Variants in TMPRSS11A observed in about 807,000 individuals in gnomAD.
TMPRSS11A encodes the protein transmembrane serine protease 11A, also known as transmembrane protease serine 11A.
A neutral mutation model predicts 58.9 loss-of-function variants in TMPRSS11A; 53 were observed. The observed-to-expected ratio is 0.90, with a 90% confidence interval of 0.72 to 1.13. The LOEUF is 1.13. TMPRSS11A is among the 50% of genes most tolerant of loss of function. TMPRSS11A has a pLI of 0.00. For missense variants in TMPRSS11A, 493 were observed against 499.3 expected (o/e 0.99, Z 0.12); for synonymous variants, 167 against 169.8 (o/e 0.98, Z 0.13).
chr4:67,944,689 G>T, intron 2 of TMPRSS11A, 52 bp from the exon 3 acceptor site: 5 of 1,529,840 alleles, frequency 3.3e-6, no homozygotes, highest in Non-Finnish European at 4.5e-6. Context: ...AAAGATTTCA[G>T]AACTCAATTA....
chr4:67,920,073 G>A (rs1720279034), intron 7 of TMPRSS11A, among the ~76,000 whole-genome samples: 3 of 152,266 alleles, frequency 2.0e-5, no homozygotes, highest in Admixed American at 2.0e-4. Context: ...AAGTCTATTA[G>A]ATGACTGCAT....
intron 1 of TMPRSS11A, among the ~76,000 whole-genome samples, chr4:67,949,821 T>C (rs749608139): frequency 6.6e-6 from 1 of 152,178 alleles, no homozygotes; most frequent in Non-Finnish European, 1.5e-5. Context: ...ATGGCGCCAC[T>C]GCACTCCAGC....
At chr4:67,929,088 TTAAGA>T (rs1250167521) in intron 5 of TMPRSS11A, among the ~76,000 whole-genome samples, 1 of 152,250 alleles carries the variant, frequency 6.6e-6, no homozygotes, top group Non-Finnish European at 1.5e-5. Context: ...TTGGAGCCTT[TTAAGA>T]AATTAGAGAT....
At chr4:67,946,615 C>T (rs1400422966) in intron 1 of TMPRSS11A, 44 bp from the exon 2 acceptor site, 2 of 1,574,966 alleles carry the variant, frequency 1.3e-6, no homozygotes, top group African/African-American at 1.4e-5. Flanking sequence ...GATAGCAATG[C>T]TTGCAGGTTT....
intron 9 of TMPRSS11A, 63 bp downstream of exon 9, chr4:67,914,520 CATATA>C: frequency 3.5e-6 from 5 of 1,430,226 alleles, no homozygotes; most frequent in Non-Finnish European, 3.9e-6. Context: ...ATGTAAAGAA[CATATA>C]ATATATTCTG....
At chr4:67,912,096 T>A (rs143409469) in intron 9 of TMPRSS11A, among the ~76,000 whole-genome samples, 19 of 152,264 alleles carry the variant, frequency 1.2e-4, no homozygotes, top group Non-Finnish European at 2.5e-4. Context: ...TACAGAAATC[T>A]TTTTTTGCTT....
intron 7 of TMPRSS11A, among the ~76,000 whole-genome samples, chr4:67,921,580 A>T (rs1720331899): frequency 6.6e-6 from 1 of 152,190 alleles, no homozygotes; most frequent in Non-Finnish European, 1.5e-5. Context: ...AAATGCTGGG[A>T]TTACAGGCAT....
intron 1 of TMPRSS11A, among the ~76,000 whole-genome samples, chr4:67,953,597 G>A (rs1048176084): frequency 5.3e-5 from 8 of 152,096 alleles, no homozygotes; most frequent in Admixed American, 2.0e-4. Flanking sequence ...TTGGGAGTTC[G>A]AGACCAGCCT....
chr4:67,923,545 C>T (rs145631256), intron 6 of TMPRSS11A, among the ~76,000 whole-genome samples: 2,646 of 152,190 alleles, frequency 0.017, 72 homozygotes, highest in African/African-American at 0.058. Context: ...CTCACTCTGT[C>T]GCTGAGGCTG....
chr4:67,930,061 G>C (rs765501302), intron 4 of TMPRSS11A, 21 bp from the exon 5 acceptor site: 1 of 1,592,770 alleles, frequency 6.3e-7, no homozygotes, highest in South Asian at 1.1e-5. Flanking sequence ...CAAAAGAAAG[G>C]TACATTTTCA....
At chr4:67,942,717 T>C (rs1235689380) in intron 3 of TMPRSS11A, among the ~76,000 whole-genome samples, 2 of 152,182 alleles carry the variant, frequency 1.3e-5, no homozygotes, top group African/African-American at 4.8e-5. Flanking sequence ...AATGACCTAG[T>C]AATTCTGCTT....
chr4:67,956,014 C>T (rs993644476), intron 1 of TMPRSS11A, among the ~76,000 whole-genome samples: 3 of 152,104 alleles, frequency 2.0e-5, no homozygotes, highest in African/African-American at 7.2e-5. Context: ...GGTGTCAGTC[C>T]TTGCTTATGA....
At chr4:67,952,640 G>A (rs1348172879) in intron 1 of TMPRSS11A, among the ~76,000 whole-genome samples, 2 of 152,210 alleles carry the variant, frequency 1.3e-5, no homozygotes, top group East Asian at 1.9e-4. Context: ...TGTGAGATAA[G>A]TGTGTATGGA....
intron 1 of TMPRSS11A, among the ~76,000 whole-genome samples, chr4:67,962,920 C>T (rs1721471941): frequency 6.6e-6 from 1 of 152,336 alleles, no homozygotes; most frequent in East Asian, 1.9e-4. Context: ...GCAGGTGTCT[C>T]TGCAGCTATT....
At position 67,948,659 on chromosome 4, in the gene TMPRSS11A, G is replaced by A. The variant is rs980934001; in HGVS notation, c.12-2088C>T. Among the ~76,000 whole-genome samples, 40 of 152,304 alleles carry A rather than the reference G, an allele frequency of 2.6e-4. 1 individual carries two copies. The highest frequency in any genetic ancestry group is 7.9e-4 in the African/African-American group (33 of 41,578). Reference sequence around the variant, plus strand: ...AAAAATAATCTAGAGAACTGGCTGCGGAAAGGCAGCAGGTCCTGTGATAGA... The same window carrying A: ...AAAAATAATCTAGAGAACTGGCTGCAGAAAGGCAGCAGGTCCTGTGATAGA... On this transcript the variant is annotated intron_variant, in intron 1 of 9. Coordinates refer to ENST00000508048, the MANE Select transcript of TMPRSS11A (RefSeq NM_001114387.2).
chr4:67,946,388 A>C, intron 2 of TMPRSS11A, 62 bp downstream of exon 2: 1 of 1,510,580 alleles, frequency 6.6e-7, no homozygotes, highest in Non-Finnish European at 8.9e-7. Context: ...ATTTACATAT[A>C]TGTAAATGGA....
At chr4:67,940,682 C>T (rs1352714082) in intron 3 of TMPRSS11A, among the ~76,000 whole-genome samples, 12 of 152,084 alleles carry the variant, frequency 7.9e-5, no homozygotes, top group Non-Finnish European at 1.5e-5. Context: ...TTGGCTGACT[C>T]ACAGAGGATG....
intron 3 of TMPRSS11A, among the ~76,000 whole-genome samples, chr4:67,932,657 CCA>C (rs1354138616): frequency 1.3e-5 from 2 of 152,090 alleles, no homozygotes; most frequent in African/African-American, 4.8e-5. Context: ...CCTCTAGCCT[CCA>C]TCCTGGCATT....
At chr4:67,950,523 A>T (rs1297912749) in intron 1 of TMPRSS11A, among the ~76,000 whole-genome samples, 1 of 152,182 alleles carries the variant, frequency 6.6e-6, no homozygotes, top group Non-Finnish European at 1.5e-5. Context: ...CGGGAACTTT[A>T]TTACATCTGC....
Sources: allele counts gnomAD v4.1 joint callset (sites outside exome capture counted in the v4.1 genomes callset), GRCh38; gene constraint gnomAD v4.1.1; transcripts MANE v1.5; gene names NCBI Gene and HGNC (gene_info 2026-07-23, HGNC 2026-07-21).